The following ST13 variants were observed in gnomAD, a reference collection of about 807,000 sequenced individuals.
The protein encoded by ST13 is ST13 Hsp70 interacting protein, also known as hsc70-interacting protein.
Under a neutral mutation model 56.7 loss-of-function variants are expected in ST13, and 23 were observed. The ratio of observed to expected loss-of-function variants is 0.41; its 90% CI spans 0.29 to 0.57. ST13 has a LOEUF of 0.57. ST13 is among the 20% of genes least tolerant of loss of function. The pLI, the probability that ST13 is intolerant of heterozygous loss-of-function variation, is 0.36. For synonymous variants in ST13, 132 were observed against 142.4 expected (o/e 0.93, Z 0.52); for missense variants, 369 against 459.9 (o/e 0.80, Z 1.81).
intron 9 of ST13, 31 bp from the exon 10 acceptor site, chr22:40,829,705 T>C (rs763159529): frequency 8.3e-6 from 11 of 1,327,308 alleles, no homozygotes; most frequent in Non-Finnish European, 1.1e-5. Context: ...AATTATATAA[T>C]AGAAGAAGAA....
At chr22:40,852,059 G>A (rs1312294967) in intron 1 of ST13, among the ~76,000 whole-genome samples, 1 of 152,166 alleles carries the variant, frequency 6.6e-6, no homozygotes, top group South Asian at 2.1e-4. Context: ...TTTGTAACTA[G>A]AGTTGTCATA....
intron 5 of ST13, among the ~76,000 whole-genome samples, chr22:40,840,022 C>T (rs957336812): frequency 2.7e-4 from 41 of 151,340 alleles, no homozygotes; most frequent in African/African-American, 9.7e-4. Context: ...TGGTGGTACG[C>T]GCTTGTAATC....
chr22:40,840,706 A>G lies in ST13; in HGVS notation c.316-14T>C, dbSNP rs768729476. 1 of 1,603,378 alleles carries G rather than the reference A, an allele frequency of 6.2e-7. No homozygotes were observed. Among genetic ancestry groups the G allele is most frequent in the Non-Finnish European group, 8.5e-7 (1 of 1,175,308 alleles). ...CTCCTCCGTTATCTAGGAAGAAAATAAAAATCATCTTAGAATTAGTAGAGA... is the reference window on the plus strand; with the variant it reads ...CTCCTCCGTTATCTAGGAAGAAAATGAAAATCATCTTAGAATTAGTAGAGA... On this transcript the variant is annotated splice_polypyrimidine_tract_variant and intron_variant, in intron 4 of 11. Transcript: ENST00000216218.
intron 7 of ST13, among the ~76,000 whole-genome samples, chr22:40,833,178 G>T (rs2057761792): frequency 6.6e-6 from 1 of 152,138 alleles, no homozygotes; most frequent in Non-Finnish European, 1.5e-5. Flanking sequence ...TTTAACTCAG[G>T]TGTAACTCTT....
Position 40,826,679 on chromosome 22 carries a change from G to C in ST13, c.982-13C>G. The C allele has an allele frequency of 6.2e-7, 1 of 1,608,722 alleles. No homozygotes were observed. The highest frequency in any genetic ancestry group is 8.5e-7 in the Non-Finnish European group (1 of 1,179,572). The stretch of plus-strand genomic sequence containing the variant: ...TAACTTCTGGATCCTGAAAAGAAAG[G>C]GTTCATTAGTATTTAAAAAGTGTCC... On this transcript the variant is annotated splice_polypyrimidine_tract_variant and intron_variant, in intron 11 of 11. Transcript: ENST00000216218.
intron 8 of ST13, chr22:40,832,263 T>C (rs1568999313): frequency 2.1e-6 from 1 of 478,328 alleles, no homozygotes; most frequent in African/African-American, 2.0e-5. Context: ...GTAATGCTAA[T>C]TATAGATTTT....
chr22:40,838,769 T>C (rs1009051447), intron 5 of ST13, among the ~76,000 whole-genome samples: 3 of 151,996 alleles, frequency 2.0e-5, no homozygotes, highest in Admixed American at 6.6e-5. Context: ...TCTTAAAATT[T>C]AGGTGGTAGG....
chr22:40,846,306 T>C (rs533328292), intron 3 of ST13, among the ~76,000 whole-genome samples: 51 of 152,330 alleles, frequency 3.3e-4, no homozygotes, highest in African/African-American at 1.2e-3. Context: ...TCACCCATCA[T>C]ATTAATAACT....
intron 4 of ST13, among the ~76,000 whole-genome samples, chr22:40,843,432 G>A (rs1310047499): frequency 1.3e-5 from 2 of 152,020 alleles, no homozygotes; most frequent in African/African-American, 4.8e-5. Flanking sequence ...AGTATCAGAC[G>A]ATGTGGCATT....
At position 40,827,084 on chromosome 22, in the gene ST13, T is replaced by G; in HGVS notation, c.981+12A>C. 1.9e-6 allele frequency: 3 copies of G among 1,610,164 alleles called. No individual in the cohort carries two copies. The highest frequency in any genetic ancestry group is 2.5e-6 in the Non-Finnish European group (3 of 1,178,982). The stretch of plus-strand genomic sequence containing the variant: ...ATGATACAAAGTCCAAAGTTTTTCT[T>G]CCAAGTCTTACCTGCATGGCTGCAA... On this transcript the variant is annotated intron_variant, in intron 11 of 11. Transcript: ENST00000216218.
At position 40,856,445 on chromosome 22, in the gene ST13, C is replaced by T. The variant is rs561599233; in HGVS notation, c.96G>A (p.Arg32=). Residue 32 remains arginine, a synonymous_variant, in exon 1 of 12, where the codon AGG becomes AGA. Transcript: ENST00000216218. ...CTGGGTCTCACCTCTCCACCCACTC[C>T]CTCAGGAAGCGCATTTCCTCGGTGT... ...VLHTEEMRFL[R]EWVESMGGKV... 3.1e-6 allele frequency: 5 copies of T among 1,613,568 alleles called. No homozygotes were observed. The African/African-American group carries it at 5.3e-5, about 17-fold the overall frequency.
intron 7 of ST13, 172 bp downstream of exon 7, chr22:40,835,388 C>G: frequency 5.1e-6 from 2 of 395,248 alleles, no homozygotes; most frequent in East Asian, 3.9e-5. Flanking sequence ...TTTTTTTTTT[C>G]TTTTACCTTT....
rs1258784755 is a variant in ST13 at position 40,824,553 on chromosome 22, A to C, written c.*1985T>G. On this transcript the variant is annotated 3_prime_UTR_variant, in exon 12 of 12. Transcript: ENST00000216218. ...TAGAATATTGAGTTGAAAATTAAGA[A>C]TGTATATTATGGAATTTAAAAATCT... is the stretch of plus-strand genomic sequence containing the variant. 6.6e-6 allele frequency: 1 copy of C among 152,254 alleles called. No individual in the cohort carries two copies. Among genetic ancestry groups the C allele is most frequent in the Non-Finnish European group, 1.5e-5 (1 of 68,050 alleles). 9.4% of individuals were successfully genotyped at this position (152,254 alleles called of 1,614,324 possible). A position where few individuals can be genotyped will look rare whatever the true frequency, so the allele number is the denominator to read the frequency against.
intron 3 of ST13, among the ~76,000 whole-genome samples, chr22:40,847,994 C>T (rs561326572): frequency 6.6e-6 from 1 of 152,146 alleles, no homozygotes; most frequent in Admixed American, 6.5e-5. Context: ...TTGCAGTGAG[C>T]CGAGATTGTG....
Position 40,835,523 on chromosome 22 carries a change from TAA to T in ST13, c.578+35_578+36del. On this transcript the variant is annotated intron_variant, in intron 7 of 11. Coordinates refer to ENST00000216218, the MANE Select transcript of ST13 (RefSeq NM_003932.5). ...CATCTTAAAACATCAGATTTAAATG[TAA>T]AGAGTTCTGAAAATAATTAAATTCA... 2.6e-6 allele frequency: 4 copies of T among 1,528,060 alleles called. No homozygotes were observed. The South Asian group carries it at 4.5e-5, about 17-fold the overall frequency. The allele number at this position is 1,528,060 out of a possible 1,614,324, so 94.7% of individuals were successfully genotyped here. A position where few individuals can be genotyped will look rare whatever the true frequency, so the allele number is the denominator to read the frequency against.
intron 5 of ST13, among the ~76,000 whole-genome samples, chr22:40,839,295 A>C (rs1438833489): frequency 6.6e-6 from 1 of 152,190 alleles, no homozygotes; most frequent in Admixed American, 6.5e-5. Context: ...ATCATCTTCT[A>C]AATCTAATAA....
chr22:40,826,631 A>T lies in ST13; in HGVS notation c.1017T>A (p.Ala339=), dbSNP rs1384488692. Residue 339 remains alanine (A), a synonymous_variant, in exon 12 of 12, where the codon GCT becomes GCA. Transcript: ENST00000216218. ...ATTTTGACATATTTGCTGGGTTCTGAGCCACATCCTGGAAAGCCACCATAA... is the reference window on the plus strand; with the variant it reads ...ATTTTGACATATTTGCTGGGTTCTGTGCCACATCCTGGAAAGCCACCATAA... ...PEVMVAFQDV[A]QNPANMSKYQ... 1 of 1,608,566 alleles carries T rather than the reference A, an allele frequency of 6.2e-7. No homozygotes were observed. The highest frequency in any genetic ancestry group is 8.5e-7 in the Non-Finnish European group (1 of 1,179,818).
At chr22:40,831,410 T>G (rs1488409286) in intron 8 of ST13, among the ~76,000 whole-genome samples, 1 of 152,114 alleles carries the variant, frequency 6.6e-6, no homozygotes, top group African/African-American at 2.4e-5. Flanking sequence ...ATCCATAAAA[T>G]GGGAGAGGAA....
chr22:40,830,744 TTAAA>T, intron 9 of ST13, 92 bp downstream of exon 9: 1 of 699,526 alleles, frequency 1.4e-6, no homozygotes, highest in East Asian at 2.5e-5. Context: ...GTAGCCAGCA[TTAAA>T]TAAAAGAGCC....
Sources: allele counts gnomAD v4.1 joint callset (sites outside exome capture counted in the v4.1 genomes callset), GRCh38; gene constraint gnomAD v4.1.1; transcripts MANE v1.5; gene names NCBI Gene and HGNC (gene_info 2026-07-23, HGNC 2026-07-21).